Variants in NARS2 observed in about 807,000 individuals in gnomAD.
NARS2 encodes the protein asparaginyl-tRNA synthetase.
Under a neutral mutation model 62.9 loss-of-function variants are expected in NARS2, and 60 were observed. The ratio of observed to expected loss-of-function variants is 0.95; its 90% confidence interval spans 0.77 to 1.18. The LOEUF (loss-of-function observed/expected upper bound fraction) is 1.18, where lower values mean the gene tolerates loss of function less well. Among genes scored for constraint, NARS2 ranks in the 50% most tolerant of loss-of-function variants. The probability of loss-of-function intolerance (pLI) is 0.00; values close to 1 mark genes in which losing one functional copy is unlikely to be tolerated. For synonymous variants in NARS2, 196 were observed against 200.0 expected, an observed-to-expected ratio of 0.98 and a Z score of 0.17; for missense variants, 619 against 576.4, an observed-to-expected ratio of 1.07 and a Z score of -0.76.
intron 11 of NARS2, among the ~76,000 whole-genome samples, chr11:78,445,300 A>G (rs1857718960): frequency 6.6e-6 from 1 of 152,212 alleles, no homozygotes; most frequent in Admixed American, 6.5e-5. Context: ...AATTAATTAT[A>G]TTTCTTCAAT....
intron 6 of NARS2, among the ~76,000 whole-genome samples, chr11:78,505,665 A>G (rs1860465938): frequency 6.6e-6 from 1 of 152,162 alleles, no homozygotes; most frequent in South Asian, 2.1e-4. Flanking sequence ...TTAGACTACT[A>G]ATCACTGTGG....
intron 7 of NARS2, among the ~76,000 whole-genome samples, chr11:78,483,233 CAT>C (rs1362062245): frequency 2.0e-5 from 3 of 152,066 alleles, no homozygotes; most frequent in Non-Finnish European, 4.4e-5. Context: ...ATTGATGAAA[CAT>C]ATCTCAAAAT....
chr11:78,537,492 A>T (rs572059508), intron 5 of NARS2, among the ~76,000 whole-genome samples: 1 of 152,312 alleles, frequency 6.6e-6, no homozygotes, highest in African/African-American at 2.4e-5. Context: ...TCAGAATTAG[A>T]TGATAAAACC....
intron 11 of NARS2, among the ~76,000 whole-genome samples, chr11:78,451,999 T>C (rs926065267): frequency 6.6e-6 from 1 of 152,214 alleles, no homozygotes. Flanking sequence ...GGAAATGAGC[T>C]GCAAGCTTTT....
chr11:78,502,366 T>C (rs946570353), intron 6 of NARS2, among the ~76,000 whole-genome samples: 1 of 152,224 alleles, frequency 6.6e-6, no homozygotes, highest in Non-Finnish European at 1.5e-5. Context: ...TGTCCTCATG[T>C]GGATTTTCCT....
chr11:78,510,979 G>A (rs977093370), intron 6 of NARS2, among the ~76,000 whole-genome samples: 10 of 152,198 alleles, frequency 6.6e-5, no homozygotes, highest in East Asian at 1.9e-4. Context: ...ACAATAGATC[G>A]GTGGTTGCCT....
chr11:78,564,536 T>G (rs776235720), intron 4 of NARS2, among the ~76,000 whole-genome samples: 2 of 152,190 alleles, frequency 1.3e-5, no homozygotes, highest in Non-Finnish European at 2.9e-5. Context: ...GTCTTACTTT[T>G]TAATTGTTTA....
intron 11 of NARS2, among the ~76,000 whole-genome samples, chr11:78,452,839 A>G (rs1035636859): frequency 6.6e-6 from 1 of 152,234 alleles, no homozygotes. Flanking sequence ...TGAATTTTTA[A>G]AAGTCCTTCT....
chr11:78,464,212 G>T (rs7936472), intron 11 of NARS2, among the ~76,000 whole-genome samples: 39,645 of 151,578 alleles, frequency 0.26, 5,681 homozygotes, highest in East Asian at 0.41. Flanking sequence ...GGGCTCGTGG[G>T]CTCGCTGGCT....
At chr11:78,504,072 A>G (rs960743427) in intron 6 of NARS2, among the ~76,000 whole-genome samples, 2 of 152,224 alleles carry the variant, frequency 1.3e-5, no homozygotes, top group African/African-American at 2.4e-5. Flanking sequence ...CAAATCATAC[A>G]TATATTTTGG....
Position 78,574,501 on chromosome 11 carries a change from C to T in NARS2, c.-13G>A. 6.2e-7 allele frequency: 1 copy of T among 1,602,826 alleles called. No homozygotes were observed. The highest frequency in any genetic ancestry group is 8.5e-7 in the Non-Finnish European group (1 of 1,175,404). On this transcript the variant is annotated 5_prime_UTR_variant, in exon 1 of 14. Transcript: ENST00000281038. ...GGACCCCCAGCATCCCGCGTCCGCC[C>T]AGGCCCTCCGCGGGAGCAGCCCAGA...
chr11:78,470,933 C>A (rs141870023), intron 9 of NARS2, among the ~76,000 whole-genome samples: 18 of 143,576 alleles, frequency 1.3e-4, no homozygotes, highest in African/African-American at 4.7e-4. Flanking sequence ...CCTGAAAGAC[C>A]TTGAGCTCAA....
At chr11:78,516,350 C>A (rs7112872) in intron 6 of NARS2, among the ~76,000 whole-genome samples, 98,079 of 152,052 alleles carry the variant, frequency 0.65, 34,941 homozygotes, top group Non-Finnish European at 0.81. Context: ...GAATCTACAT[C>A]AAATATAACA....
chr11:78,542,926 T>G (rs1252442157), intron 5 of NARS2, among the ~76,000 whole-genome samples: 10 of 152,150 alleles, frequency 6.6e-5, no homozygotes, highest in Non-Finnish European at 8.8e-5. Flanking sequence ...CCCCACAAAA[T>G]ATACTTTCTT....
intron 6 of NARS2, among the ~76,000 whole-genome samples, chr11:78,510,742 C>T (rs1860691297): frequency 6.6e-6 from 1 of 152,116 alleles, no homozygotes; most frequent in Non-Finnish European, 1.5e-5. Flanking sequence ...CTTAATGTCA[C>T]TGAACTACAT....
At chr11:78,561,624 C>G (rs1856557944) in intron 4 of NARS2, among the ~76,000 whole-genome samples, 1 of 152,100 alleles carries the variant, frequency 6.6e-6, no homozygotes. Flanking sequence ...TAAGAGAAGA[C>G]TAATAGATTA....
intron 6 of NARS2, among the ~76,000 whole-genome samples, chr11:78,516,474 CAT>C (rs1413560196): frequency 6.6e-6 from 1 of 152,216 alleles, no homozygotes. Context: ...ATTTTCTTGA[CAT>C]ATGCTCTTCT....
chr11:78,566,570 A>G (rs150388775), intron 3 of NARS2, among the ~76,000 whole-genome samples: 20 of 152,338 alleles, frequency 1.3e-4, no homozygotes, highest in Admixed American at 2.0e-4. Context: ...GCTGTGAACC[A>G]CTTCCTACAA....
At chr11:78,567,120 G>A (rs1193561645) in intron 3 of NARS2, among the ~76,000 whole-genome samples, 3 of 152,092 alleles carry the variant, frequency 2.0e-5, no homozygotes, top group Admixed American at 6.5e-5. Flanking sequence ...AGGGCTTCAG[G>A]GAAGATGAAG....
Sources: allele counts gnomAD v4.1 joint callset (sites outside exome capture counted in the v4.1 genomes callset), GRCh38; gene constraint gnomAD v4.1.1; transcripts MANE v1.5; gene names NCBI Gene and HGNC (gene_info 2026-07-23, HGNC 2026-07-21).